The following TNRC18 variants were observed in gnomAD, a reference collection of about 807,000 sequenced individuals.
TNRC18 encodes trinucleotide repeat-containing gene 18 protein.
TNRC18 carries 69 observed loss-of-function variants against 226.7 expected under a neutral mutation model. The observed-to-expected ratio is 0.30, with a 90% confidence interval of 0.25 to 0.37. The LOEUF (loss-of-function observed/expected upper bound fraction) is 0.37. Among genes scored for constraint, TNRC18 ranks in the 10% least tolerant of loss-of-function variants. TNRC18 has a pLI of 1.00. For missense variants in TNRC18, 4,754 were observed against 4,256.6 expected, an observed-to-expected ratio of 1.12 and a Z score of -3.25; for synonymous variants, 2,449 against 1,927.6, an observed-to-expected ratio of 1.27 and a Z score of -7.09.
At chr7:5,381,280 C>T (rs569511876) in intron 5 of TNRC18, among the ~76,000 whole-genome samples, 8 of 152,320 alleles carry the variant, frequency 5.3e-5, no homozygotes, top group Admixed American at 4.6e-4. Flanking sequence ...GCCCTCCATC[C>T]GCTCTAATCC....
intron 2 of TNRC18, among the ~76,000 whole-genome samples, chr7:5,402,017 C>G (rs1204907607): frequency 6.6e-6 from 1 of 151,122 alleles, no homozygotes; most frequent in Non-Finnish European, 1.5e-5. Flanking sequence ...CTACTAAAAA[C>G]AAAAAGAAAA....
intron 24 of TNRC18, among the ~76,000 whole-genome samples, chr7:5,319,326 G>C (rs964398899): frequency 6.6e-6 from 1 of 152,246 alleles, no homozygotes; most frequent in East Asian, 1.9e-4. Flanking sequence ...ACTGTATTTG[G>C]CATGTGAGTG....
chr7:5,367,672 C>T (rs1304288415), intron 11 of TNRC18, among the ~76,000 whole-genome samples: 1 of 151,854 alleles, frequency 6.6e-6, no homozygotes, highest in African/African-American at 2.4e-5. Flanking sequence ...AGATGATCTG[C>T]CCGCCTCGGC....
At chr7:5,361,491 G>A in intron 14 of TNRC18, 103 bp downstream of exon 14, 1 of 1,352,864 alleles carries the variant, frequency 7.4e-7, no homozygotes. Context: ...GAGCCCGAGG[G>A]ACGCGAGGTC....
chr7:5,415,369 C>CTTTTT (rs368389351), intron 2 of TNRC18, among the ~76,000 whole-genome samples: 20 of 83,134 alleles, frequency 2.4e-4, no homozygotes, highest in Non-Finnish European at 3.7e-4. Flanking sequence ...CTGTGTCCCT[C>CTTTTT]TTTTTTTTTT....
chr7:5,420,386 C>A (rs1782482595), intron 2 of TNRC18: 1 of 456,248 alleles, frequency 2.2e-6, no homozygotes, highest in Non-Finnish European at 4.4e-6. Flanking sequence ...ACCTCCGCAC[C>A]CTCTTTCGCG....
At chr7:5,382,588 T>A (rs981078053) in intron 5 of TNRC18, among the ~76,000 whole-genome samples, 4 of 151,920 alleles carry the variant, frequency 2.6e-5, no homozygotes, top group Non-Finnish European at 5.9e-5. Context: ...AGCAGGCTTG[T>A]CACCAACACC....
chr7:5,355,871 C>G (rs1057399722), intron 16 of TNRC18, among the ~76,000 whole-genome samples: 1 of 151,990 alleles, frequency 6.6e-6, no homozygotes, highest in African/African-American at 2.4e-5. Flanking sequence ...AGAAGAGACC[C>G]TGTCTCAAAA....
chr7:5,369,731 A>G (rs1462728012), intron 11 of TNRC18, among the ~76,000 whole-genome samples: 1 of 152,212 alleles, frequency 6.6e-6, no homozygotes, highest in African/African-American at 2.4e-5. Context: ...CCAAGAGCCA[A>G]TTAATTCTCT....
intron 2 of TNRC18, 199 bp downstream of exon 2, chr7:5,420,861 T>A (rs979286016): frequency 1.3e-6 from 1 of 752,760 alleles, no homozygotes; most frequent in African/African-American, 2.1e-5. Flanking sequence ...ACGGAAAAGG[T>A]AGCCGAGCCG....
chr7:5,378,968 C>A (rs926747739), intron 5 of TNRC18, among the ~76,000 whole-genome samples: 6 of 150,572 alleles, frequency 4.0e-5, no homozygotes, highest in Middle Eastern at 3.4e-3. Context: ...GGGGGCGGGG[C>A]GGATCACCTG....
intron 22 of TNRC18, 31 bp downstream of exon 22, chr7:5,321,042 G>A: frequency 2.0e-6 from 3 of 1,469,786 alleles, no homozygotes; most frequent in South Asian, 2.5e-5. Flanking sequence ...TGGGACACGG[G>A]GCTCTGTGCC....
At chr7:5,361,858 G>C in intron 13 of TNRC18, 39 bp downstream of exon 13, 1 of 1,518,932 alleles carries the variant, frequency 6.6e-7, no homozygotes, top group Non-Finnish European at 8.8e-7. Flanking sequence ...TGGTGGGCCG[G>C]GGCAGGGGCC....
At chr7:5,420,525 G>A (rs1193302095) in intron 2 of TNRC18, 7 of 446,718 alleles carry the variant, frequency 1.6e-5, no homozygotes, top group Non-Finnish European at 3.2e-5. Flanking sequence ...TCCCAAGGCT[G>A]GGGTCACCGT....
Position 5,313,389 on chromosome 7 carries a change from A to G in TNRC18, c.7502T>C (p.Leu2501Pro), listed in dbSNP as rs781580717. The G allele has an allele frequency of 6.3e-6, 10 of 1,590,658 alleles. No homozygotes were observed. The highest frequency in any genetic ancestry group is 8.5e-6 in the Non-Finnish European group (10 of 1,169,988). The part of the protein sequence containing the change: ...GWQEPKSLLS[L>P]GSYPPAAGSS... ...GCCGGCCGCGGGGGGATAGCTGCCC[A>G]GGCTCAGGAGGCTCTTGGGCTCCTG... The change falls in exon 27 of 30, where the codon CTG becomes CCG. Residue 2501 changes from leucine (L) to proline (P), a missense_variant. Leu to Pro is a moderately conservative substitution (Grantham distance 98). Coordinates refer to ENST00000430969, the MANE Select transcript of TNRC18 (RefSeq NM_001080495.3).
intron 16 of TNRC18, among the ~76,000 whole-genome samples, chr7:5,356,402 G>A (rs1332480086): frequency 2.6e-5 from 4 of 152,132 alleles, no homozygotes; most frequent in African/African-American, 4.8e-5. Flanking sequence ...ATCCATAGCC[G>A]AGCACGGTGG....
intron 15 of TNRC18, among the ~76,000 whole-genome samples, chr7:5,358,577 G>A (rs985485916): frequency 1.3e-5 from 2 of 152,192 alleles, no homozygotes; most frequent in Non-Finnish European, 2.9e-5. Context: ...ACTTTGGGAG[G>A]CTGAGGTAGG....
At chr7:5,412,440 G>A (rs184154463) in intron 2 of TNRC18, among the ~76,000 whole-genome samples, 51 of 152,116 alleles carry the variant, frequency 3.4e-4, no homozygotes, top group Non-Finnish European at 6.0e-4. Flanking sequence ...GCCGGGAGTG[G>A]TGGCAGGCGT....
chr7:5,407,561 T>C (rs1483386404), intron 2 of TNRC18, among the ~76,000 whole-genome samples: 2 of 152,238 alleles, frequency 1.3e-5, no homozygotes, highest in Non-Finnish European at 2.9e-5. Flanking sequence ...AATTCTGGCT[T>C]AATTCCAGTC....
Sources: allele counts gnomAD v4.1 joint callset (sites outside exome capture counted in the v4.1 genomes callset), GRCh38; gene constraint gnomAD v4.1.1; transcripts MANE v1.5; gene names NCBI Gene and HGNC (gene_info 2026-07-23, HGNC 2026-07-21).